SERPINA4: variants seen among roughly 807,000 people sequenced by gnomAD.
The protein encoded by SERPINA4 is serpin family A member 4.
A neutral mutation model predicts 25.4 loss-of-function variants in SERPINA4; 24 were observed. The ratio of observed to expected loss-of-function variants is 0.95; its 90% CI spans 0.69 to 1.33. The LOEUF (loss-of-function observed/expected upper bound fraction) is 1.33. SERPINA4 is among the 40% of genes most tolerant of loss of function. The probability of loss-of-function intolerance (pLI) is 0.00; values close to 1 mark genes in which losing one functional copy is unlikely to be tolerated. For missense variants in SERPINA4, 553 were observed against 535.8 expected, an observed-to-expected ratio of 1.03 and a Z score of -0.32; for synonymous variants, 242 against 223.6, an observed-to-expected ratio of 1.08 and a Z score of -0.73.
At chr14:94,566,934 C>T in intron 2 of SERPINA4, 36 bp from the exon 3 acceptor site, 38 of 1,584,972 alleles carry the variant, frequency 2.4e-5, no homozygotes, top group Non-Finnish European at 3.2e-5. Context: ...CTGTGGCCTG[C>T]AGATGTCCTG....
intron 3 of SERPINA4, among the ~76,000 whole-genome samples, 168 bp from the exon 4 acceptor site, chr14:94,567,961 T>C (rs147232254): frequency 1.3e-5 from 2 of 152,332 alleles, no homozygotes; most frequent in Non-Finnish European, 2.9e-5. Flanking sequence ...CAAAGGAACC[T>C]GGCCTTTCAA....
rs757524773 is a variant in SERPINA4 at position 94,563,849 on chromosome 14, C to G, written c.367C>G (p.His123Asp). 6.2e-7 allele frequency: 1 copy of G among 1,614,180 alleles called. No individual in the cohort carries two copies. Among genetic ancestry groups the G allele is most frequent in the Non-Finnish European group, 8.5e-7 (1 of 1,180,044 alleles). Residue 123 changes from histidine to aspartate, a missense_variant, in exon 2 of 5, where the codon CAC becomes GAC. Coordinates refer to ENST00000557004, the MANE Select transcript of SERPINA4 (RefSeq NM_006215.4). ...SESDVHRGFQ[H>D]LLHTLNLPGH... ...GTCCGATGTCCATAGGGGCTTCCAG[C>G]ACCTCCTGCACACTCTCAACCTCCC... is the stretch of plus-strand genomic sequence containing the variant.
intron 2 of SERPINA4, among the ~76,000 whole-genome samples, 185 bp from the exon 3 acceptor site, chr14:94,566,785 T>G (rs1438188368): frequency 2.6e-5 from 4 of 152,238 alleles, no homozygotes; most frequent in Non-Finnish European, 5.9e-5. Context: ...AAATGAGGCC[T>G]AAAGGATCCA....
At chr14:94,565,605 T>C (rs1902177412) in intron 2 of SERPINA4, among the ~76,000 whole-genome samples, 1 of 151,348 alleles carries the variant, frequency 6.6e-6, no homozygotes, top group African/African-American at 2.4e-5. Flanking sequence ...TCCAGCACTT[T>C]GGGAGGCCAA....
chr14:94,569,395 A>G lies in SERPINA4; in HGVS notation c.1084A>G (p.Ser362Gly). ...ATAATGCTTGTGATTTTCCTCCCAG[A>G]GTTTCCACAAGGCCACCTTGGACGT... ...TKQQKLEASK[S>G]FHKATLDVDE... The change falls in exon 5 of 5, where the codon AGT (serine) becomes GGT (glycine). Residue 362 changes from serine to glycine, a missense_variant and splice_region_variant. Coordinates refer to ENST00000557004, the MANE Select transcript of SERPINA4 (RefSeq NM_006215.4). The G allele has an allele frequency of 6.2e-7, 1 of 1,613,418 alleles. No homozygotes were observed. The highest frequency in any genetic ancestry group is 8.5e-7 in the Non-Finnish European group (1 of 1,179,980).
In SERPINA4 at chr14:94,569,577, C is replaced by T. The variant is rs371756604; in HGVS notation, c.1266C>T (p.Val422=). The T allele has an allele frequency of 8.7e-6, 14 of 1,614,056 alleles. No individual in the cohort carries two copies. The highest frequency in any genetic ancestry group is 1.3e-5 in the African/African-American group (1 of 74,928). ...GTGTCCTCTTTCTGGGCAAGGTCGT[C>T]GACCCCACGAAACCATAGCCCTCCC... is the stretch of plus-strand genomic sequence containing the variant. ...TQSVLFLGKV[V]DPTKP is the part of the protein sequence containing the mutation. Residue 422 remains valine, a synonymous_variant, in exon 5 of 5, where the codon GTC becomes GTT. Coordinates refer to ENST00000557004, the MANE Select transcript of SERPINA4 (RefSeq NM_006215.4).
At chr14:94,567,992 T>G in intron 3 of SERPINA4, 137 bp from the exon 4 acceptor site, 1 of 818,144 alleles carries the variant, frequency 1.2e-6, no homozygotes, top group Non-Finnish European at 2.0e-6. Flanking sequence ...TGGGAGGTGG[T>G]CTGAGCCGAA....
At chr14:94,561,871 T>C (rs1902040419) in intron 1 of SERPINA4, 1 of 1,289,322 alleles carries the variant, frequency 7.8e-7, no homozygotes, top group East Asian at 5.6e-5. Context: ...GTCCTATGTA[T>C]GTTTCTAAAT....
In SERPINA4 at chr14:94,563,838, G is replaced by A; in HGVS notation, c.356G>A (p.Arg119Lys). Residue 119 changes from arginine (R) to lysine (K), a missense_variant, in exon 2 of 5, where the codon AGG (arginine) becomes AAG (lysine). Physicochemically the swap from Arg to Lys is conservative, Grantham distance 26 (BLOSUM62 2). Transcript: ENST00000557004. Reference sequence around the variant, plus strand: ...GAGCTGTCTGAGTCCGATGTCCATAGGGGCTTCCAGCACCTCCTGCACACT... The same window carrying A: ...GAGCTGTCTGAGTCCGATGTCCATAAGGGCTTCCAGCACCTCCTGCACACT... ...LTELSESDVH[R>K]GFQHLLHTLN... The A allele has an allele frequency of 6.2e-7, 1 of 1,614,152 alleles. No individual in the cohort carries two copies. The highest frequency in any genetic ancestry group is 8.5e-7 in the Non-Finnish European group (1 of 1,180,038).
chr14:94,563,752 C>T lies in SERPINA4; in HGVS notation c.270C>T (p.Ser90=). 6.2e-7 allele frequency: 1 copy of T among 1,614,096 alleles called. No individual in the cohort carries two copies. Among genetic ancestry groups the T allele is most frequent in the Admixed American group, 1.7e-5 (1 of 60,032 alleles). ...LSISAAYAML[S]LGACSHSRSQ... is the part of the protein sequence containing the mutation. ...TCTCGGCGGCCTACGCCATGCTTTC[C>T]CTGGGGGCCTGCTCACACAGCCGCA... The change falls in exon 2 of 5, where the codon TCC becomes TCT. Residue 90 remains serine, a synonymous_variant. Coordinates refer to ENST00000557004, the MANE Select transcript of SERPINA4 (RefSeq NM_006215.4).
At position 94,566,977 on chromosome 14, in the gene SERPINA4, G is replaced by A. The variant is rs978369351; in HGVS notation, c.657G>A (p.Trp219Ter). The A allele has an allele frequency of 1.2e-6, 2 of 1,613,198 alleles. No individual in the cohort carries two copies. The highest frequency in any genetic ancestry group is 1.7e-6 in the Non-Finnish European group (2 of 1,179,374). Residue 219 changes from tryptophan (W) to a stop codon, truncating the protein, a stop_gained, in exon 3 of 5, where the codon TGG becomes TGA. Transcript: ENST00000557004. LOFTEE classifies it high-confidence loss of function. ...LVNYIYFKAL[W>*]EKPFISSRTT... Reference sequence around the variant, plus strand: ...TTTTCATCTTCCCTTCAGCCCTGTGGGAGAAACCATTCATTTCCTCAAGGA... The same window carrying A: ...TTTTCATCTTCCCTTCAGCCCTGTGAGAGAAACCATTCATTTCCTCAAGGA...
At chr14:94,567,999 C>G (rs917253839) in intron 3 of SERPINA4, 130 bp from the exon 4 acceptor site, 1 of 884,800 alleles carries the variant, frequency 1.1e-6, no homozygotes, top group Non-Finnish European at 1.8e-6. Context: ...TGGTCTGAGC[C>G]GAAGCTGTTT....
Position 94,569,773 on chromosome 14 carries a change from C to A in SERPINA4, c.*178C>A. The A allele has an allele frequency of 3.1e-6, 2 of 640,350 alleles. No homozygotes were observed. Among genetic ancestry groups the A allele is most frequent in the Non-Finnish European group, 5.4e-6 (2 of 370,588 alleles). 39.7% of individuals were successfully genotyped at this position (640,350 alleles called of 1,614,324 possible). ...GGCACTGAGATGGGCAGGGCCTGGA[C>A]ATTCCACACCCTGGTGCTGTGCAGC... On this transcript the variant is annotated 3_prime_UTR_variant, in exon 5 of 5. Transcript: ENST00000557004.
intron 1 of SERPINA4, chr14:94,561,938 C>T: frequency 8.0e-7 from 1 of 1,246,018 alleles, no homozygotes; most frequent in Non-Finnish European, 1.0e-6. Flanking sequence ...AAGCTTTCTG[C>T]AAGGGTCTAG....
chr14:94,563,011 G>T (rs563124249), intron 1 of SERPINA4, among the ~76,000 whole-genome samples: 1 of 152,146 alleles, frequency 6.6e-6, no homozygotes, highest in African/African-American at 2.4e-5. Context: ...AAACTCTGAG[G>T]ATAGCCATCC....
rs899000556 is a variant in SERPINA4, at chr14:94,565,547, T to A, written c.649+1416T>A. Reference sequence around the variant, plus strand: ...TTCATGAACCATTGAAAAGTTTTTTTAAAAAAGCTTTGTTTTGAGGCTGGG... The same window carrying A: ...TTCATGAACCATTGAAAAGTTTTTTAAAAAAAGCTTTGTTTTGAGGCTGGG... On this transcript the variant is annotated intron_variant, in intron 2 of 4. Coordinates refer to ENST00000557004, the MANE Select transcript of SERPINA4 (RefSeq NM_006215.4). Among the ~76,000 whole-genome samples, 10 of 152,148 alleles carry A rather than the reference T, an allele frequency of 6.6e-5. 1 individual carries two copies. Among genetic ancestry groups the A allele is most frequent in the Admixed American group, 2.6e-4 (4 of 15,280 alleles).
rs1221688683 is a variant in SERPINA4, at chr14:94,569,896, G to A, written c.*301G>A. On this transcript the variant is annotated 3_prime_UTR_variant, in exon 5 of 5. Coordinates refer to ENST00000557004, the MANE Select transcript of SERPINA4 (RefSeq NM_006215.4). ...GCTGGTTGTACCGAGTAAACAACACGATGCCATGAAGACCCTGGTTCAGTG... is the reference window on the plus strand; with the variant it reads ...GCTGGTTGTACCGAGTAAACAACACAATGCCATGAAGACCCTGGTTCAGTG... 10 of 436,390 alleles carry A rather than the reference G, an allele frequency of 2.3e-5. No homozygotes were observed. Among genetic ancestry groups the A allele is most frequent in the South Asian group, 2.1e-4 (8 of 38,660 alleles). 27.0% of individuals were successfully genotyped at this position (436,390 alleles called of 1,614,324 possible).
intron 4 of SERPINA4, 79 bp downstream of exon 4, chr14:94,568,367 C>T: frequency 2.7e-6 from 4 of 1,457,454 alleles, no homozygotes; most frequent in Non-Finnish European, 9.4e-7. Context: ...ATGGGGCTCC[C>T]AAGCTGCCAC....
At position 94,569,732 on chromosome 14, in the gene SERPINA4, G is replaced by A; in HGVS notation, c.*137G>A. The A allele has an allele frequency of 1.1e-6, 1 of 902,434 alleles. No individual in the cohort carries two copies. The allele number at this position is 902,434 out of a possible 1,614,324, so 55.9% of individuals were successfully genotyped here. A position where few individuals can be genotyped will look rare whatever the true frequency, so the allele number is the denominator to read the frequency against. ...AGTCCAGGACAGCAGGTGCTGGCCG[G>A]TGGGGAGCGGGGAGGGGCACTGAGA... On this transcript the variant is annotated 3_prime_UTR_variant, in exon 5 of 5. Coordinates refer to ENST00000557004, the MANE Select transcript of SERPINA4 (RefSeq NM_006215.4).
Sources: allele counts gnomAD v4.1 joint callset (sites outside exome capture counted in the v4.1 genomes callset), GRCh38; gene constraint gnomAD v4.1.1; transcripts MANE v1.5; gene names NCBI Gene and HGNC (gene_info 2026-07-23, HGNC 2026-07-21).